Variants in BLTP1 observed in about 807,000 individuals in gnomAD.
BLTP1 encodes fragile site-associated protein.
the BLTP1 span, chr4:122,346,534 A>ACATAT: frequency 6.8e-7 from 1 of 1,480,098 alleles, no homozygotes; most frequent in Non-Finnish European, 9.0e-7. Flanking sequence ...AGTATAATTC[A>ACATAT]GCTGTGTAAT....
At chr4:122,344,712 C>T in the BLTP1 span, 9 of 1,220,996 alleles carry the variant, frequency 7.4e-6, no homozygotes, top group Non-Finnish European at 9.8e-6. Context: ...GCCTACGGTA[C>T]TGTGTCAATC....
chr4:122,295,218 A>G, the BLTP1 span, among the ~76,000 whole-genome samples: 2 of 152,210 alleles, frequency 1.3e-5, no homozygotes, highest in African/African-American at 2.4e-5. Flanking sequence ...AACTTCCCCA[A>G]CTGAGCAAGA....
chr4:122,212,488 A>G, the BLTP1 span, among the ~76,000 whole-genome samples: 6 of 152,178 alleles, frequency 3.9e-5, no homozygotes, highest in East Asian at 1.9e-4. Context: ...ACTTAAATAT[A>G]AGTAATGATT....
the BLTP1 span, chr4:122,250,508 A>G: frequency 6.2e-7 from 1 of 1,613,876 alleles, no homozygotes; most frequent in Non-Finnish European, 8.5e-7. Flanking sequence ...CTCTGATGAT[A>G]ATCTTCCATG....
At chr4:122,196,710 A>T in the BLTP1 span, 7 of 1,611,984 alleles carry the variant, frequency 4.3e-6, no homozygotes, top group Non-Finnish European at 5.1e-6. Flanking sequence ...AGCCTGGGAG[A>T]CCAAGACAGA....
chr4:122,266,780 T>C, the BLTP1 span: 1 of 1,590,016 alleles, frequency 6.3e-7, no homozygotes, highest in Non-Finnish European at 8.5e-7. Context: ...TTATGTCTTT[T>C]AGGTTGTTTT....
chr4:122,183,452 A>G, the BLTP1 span: 1 of 984,310 alleles, frequency 1.0e-6, no homozygotes, highest in Non-Finnish European at 1.2e-6. Flanking sequence ...CATTAGGCTT[A>G]TAGCTTTAAA....
chr4:122,214,472 A>G, the BLTP1 span: 9 of 951,180 alleles, frequency 9.5e-6, no homozygotes, highest in Non-Finnish European at 1.1e-5. Flanking sequence ...TATAAAATGA[A>G]ATTGAAAGTT....
At chr4:122,175,636 A>G in the BLTP1 span, among the ~76,000 whole-genome samples, 1 of 152,322 alleles carries the variant, frequency 6.6e-6, no homozygotes, top group South Asian at 2.1e-4. Flanking sequence ...ATCTTTAGCT[A>G]TGCAAAGTCT....
chr4:122,287,950 A>G, the BLTP1 span, among the ~76,000 whole-genome samples: 1 of 152,170 alleles, frequency 6.6e-6, no homozygotes, highest in Non-Finnish European at 1.5e-5. Context: ...AGTGTATTGT[A>G]TAATTCCTTG....
At chr4:122,307,523 CT>C in the BLTP1 span, 3 of 985,210 alleles carry the variant, frequency 3.0e-6, no homozygotes, top group Non-Finnish European at 3.6e-6. Context: ...ACATCTTTGA[CT>C]TTTCTCTGTA....
At chr4:122,243,487 T>C in the BLTP1 span, 1 of 962,542 alleles carries the variant, frequency 1.0e-6, no homozygotes, top group African/African-American at 1.8e-5. Context: ...ACACCTGTAA[T>C]CCCAGCATTT....
chr4:122,312,925 G>A, the BLTP1 span: 1 of 864,306 alleles, frequency 1.2e-6, no homozygotes, highest in Non-Finnish European at 1.4e-6. Context: ...GGATGACTGA[G>A]GAAGGTCTTA....
the BLTP1 span, chr4:122,192,145 A>G: frequency 6.8e-7 from 1 of 1,471,724 alleles, no homozygotes; most frequent in African/African-American, 1.4e-5. Context: ...CTGAGACCAA[A>G]AAATGTTGGA....
the BLTP1 span, among the ~76,000 whole-genome samples, chr4:122,253,448 G>A: frequency 6.6e-6 from 1 of 151,932 alleles, no homozygotes; most frequent in African/African-American, 2.4e-5. Context: ...AGATAAATTT[G>A]ACAAATAATT....
chr4:122,254,367 A>T, the BLTP1 span: 1 of 1,526,474 alleles, frequency 6.6e-7, no homozygotes, highest in Non-Finnish European at 9.1e-7. Context: ...TTTAAAATAT[A>T]GTAGTATCGC....
At chr4:122,250,566 A>G in the BLTP1 span, 1 of 1,613,472 alleles carries the variant, frequency 6.2e-7, no homozygotes, top group Non-Finnish European at 8.5e-7. Context: ...TCTGTTTCAG[A>G]TGAACAGGTT....
chr4:122,154,940 T>C, the BLTP1 span: 31 of 946,752 alleles, frequency 3.3e-5, no homozygotes, highest in Non-Finnish European at 3.9e-5. Context: ...GAATATTGTG[T>C]ATGGCTGAAC....
chr4:122,336,015 A>T, the BLTP1 span: 3 of 495,636 alleles, frequency 6.1e-6, no homozygotes, highest in Non-Finnish European at 1.1e-5. Context: ...TATGTTATTA[A>T]TCGCCTCTGT....
Sources: gnomAD v4.1 joint callset for allele counts (sites outside exome capture counted in the v4.1 genomes callset) on GRCh38, gnomAD v4.1.1 for gene constraint, MANE v1.5 for transcripts, NCBI Gene and HGNC (gene_info 2026-07-23, HGNC 2026-07-21) for gene names.